STK3: variants seen among roughly 807,000 people sequenced by gnomAD.
STK3 encodes the protein serine/threonine kinase 3, also known as serine/threonine-protein kinase 3.
In STK3, 41 loss-of-function variants were observed where a neutral mutation model predicts 58.0. The observed-to-expected ratio is 0.71, with a 90% CI of 0.55 to 0.92. The LOEUF (loss-of-function observed/expected upper bound fraction) is 0.92, where lower values mean the gene tolerates loss of function less well. Among genes scored for constraint, STK3 ranks in the 40% least tolerant of loss-of-function variants. The pLI, the probability that STK3 is intolerant of heterozygous loss-of-function variation, is 0.00. For synonymous variants in STK3, 170 were observed against 191.0 expected (o/e 0.89, Z 0.91); for missense variants, 479 against 602.7 (o/e 0.79, Z 2.15).
intron 7 of STK3, among the ~76,000 whole-genome samples, chr8:98,586,460 G>T (rs1447396117): frequency 6.7e-6 from 1 of 149,938 alleles, no homozygotes; most frequent in African/African-American, 2.5e-5. Context: ...CTTGATCATG[G>T]TGGATAAGCT....
At chr8:98,432,439 T>C (rs1211987757) in intron 3 of STK3, 4 of 167,120 alleles carry the variant, frequency 2.4e-5, no homozygotes, top group Admixed American at 6.5e-5. Flanking sequence ...GTTGCACAAA[T>C]GCATATTGGT....
At chr8:98,881,173 A>G (rs1014287702), downstream of STK3, 1 of 152,206 alleles carries the variant, frequency 6.6e-6, no homozygotes, top group Non-Finnish European at 1.5e-5. Flanking sequence ...ACATCCATAC[A>G]ATGGAATATT....
intron 8 of STK3, among the ~76,000 whole-genome samples, chr8:98,559,063 A>C (rs942278588): frequency 2.0e-5 from 3 of 152,128 alleles, no homozygotes; most frequent in African/African-American, 7.2e-5. Flanking sequence ...TATTTTTCAC[A>C]CATTTGACTT....
At chr8:98,550,317 A>G (rs2131591939) in intron 8 of STK3, among the ~76,000 whole-genome samples, 1 of 152,226 alleles carries the variant, frequency 6.6e-6, no homozygotes, top group Admixed American at 6.5e-5. Flanking sequence ...CTTCATTCTC[A>G]TGCCTTCAAC....
intron 3 of STK3, among the ~76,000 whole-genome samples, chr8:98,834,792 G>A (rs553656802): frequency 2.0e-5 from 3 of 152,292 alleles, no homozygotes; most frequent in South Asian, 2.1e-4. Context: ...AAGAGACACC[G>A]TAATTCATAA....
At chr8:98,653,251 G>A (rs531702586) in intron 6 of STK3, among the ~76,000 whole-genome samples, 18 of 152,266 alleles carry the variant, frequency 1.2e-4, no homozygotes, top group Admixed American at 9.2e-4. Context: ...ATAACGAAAT[G>A]AAGGCAGAAA....
intron 8 of STK3, among the ~76,000 whole-genome samples, chr8:98,564,759 AT>A: frequency 6.6e-6 from 1 of 152,116 alleles, no homozygotes; most frequent in South Asian, 2.1e-4. Context: ...TTATATATCA[AT>A]TTTTTTTAAA....
Position 98,668,830 on chromosome 8 carries a change from G to A in STK3, c.684+37637C>T, listed in dbSNP as rs538808824. Among the ~76,000 whole-genome samples the A allele has an allele frequency of 2.8e-4, 43 of 152,086 alleles. 1 individual carries two copies. The South Asian group carries it at 7.5e-3, about 26-fold the overall frequency. On this transcript the variant is annotated intron_variant, in intron 6 of 10. Coordinates refer to ENST00000419617, the MANE Select transcript of STK3 (RefSeq NM_006281.4). ...AAGTGTGTTACAAATTTCCTTCTCA[G>A]AGGCACATCAAAAAAAGATGAGTCA...
At chr8:98,534,649 A>G (rs185012477) in intron 9 of STK3, among the ~76,000 whole-genome samples, 77 of 152,340 alleles carry the variant, frequency 5.1e-4, no homozygotes, top group Middle Eastern at 3.4e-3. Context: ...TTTAGACAGG[A>G]CACATACATT....
chr8:98,583,708 A>C (rs1226016540), intron 7 of STK3, among the ~76,000 whole-genome samples: 3 of 152,188 alleles, frequency 2.0e-5, no homozygotes, highest in Non-Finnish European at 4.4e-5. Context: ...ATATTCTGAT[A>C]TTATTATTAA....
chr8:98,410,899 T>C (rs1467781095), intron 3 of STK3, among the ~76,000 whole-genome samples: 2 of 152,224 alleles, frequency 1.3e-5, no homozygotes, highest in African/African-American at 4.8e-5. Flanking sequence ...GGAGTTTTGG[T>C]ACAGCTCAAA....
intron 6 of STK3, among the ~76,000 whole-genome samples, chr8:98,648,999 G>A (rs1820644348): frequency 6.6e-6 from 1 of 151,020 alleles, no homozygotes; most frequent in Admixed American, 6.6e-5. Flanking sequence ...AGATGTTGCA[G>A]TGAGCCAAGA....
intron 6 of STK3, among the ~76,000 whole-genome samples, chr8:98,610,194 G>A (rs1439268790): frequency 4.8e-5 from 7 of 146,008 alleles, no homozygotes; most frequent in South Asian, 2.2e-4. Context: ...TTTCAAAACA[G>A]AAAAAAAAAA....
At chr8:98,441,955 C>G (rs1388059650) in intron 1 of STK3, among the ~76,000 whole-genome samples, 2 of 152,214 alleles carry the variant, frequency 1.3e-5, no homozygotes, top group East Asian at 3.8e-4. Flanking sequence ...GATACCTGCT[C>G]CTGCATATCC....
chr8:98,364,675 G>A, the STK3 span, among the ~76,000 whole-genome samples: 41 of 152,276 alleles, frequency 2.7e-4, no homozygotes, highest in Non-Finnish European at 5.4e-4. Flanking sequence ...CCACCCCTAT[G>A]CCAGATTCGT....
intron 1 of STK3, among the ~76,000 whole-genome samples, chr8:98,776,452 C>A (rs896735168): frequency 6.6e-6 from 1 of 152,176 alleles, no homozygotes; most frequent in Non-Finnish European, 1.5e-5. Flanking sequence ...ATTCCATGTA[C>A]TTTTCCCCAA....
At chr8:98,696,746 G>A (rs1486432802) in intron 6 of STK3, among the ~76,000 whole-genome samples, 5 of 152,072 alleles carry the variant, frequency 3.3e-5, no homozygotes, top group Non-Finnish European at 7.4e-5. Flanking sequence ...ATGTGCTGCT[G>A]GATTCGTTTT....
chr8:98,458,228 T>G (rs1372792945), intron 10 of STK3, among the ~76,000 whole-genome samples: 1 of 152,120 alleles, frequency 6.6e-6, no homozygotes, highest in Non-Finnish European at 1.5e-5. Flanking sequence ...GATGTTGGTA[T>G]TTTGATAGGA....
chr8:98,345,235 C>T, the STK3 span, among the ~76,000 whole-genome samples: 1 of 151,970 alleles, frequency 6.6e-6, no homozygotes, highest in Non-Finnish European at 1.5e-5. Context: ...TGCAGGTCCT[C>T]TTGACTTTAA....
Sources: allele counts gnomAD v4.1 joint callset (sites outside exome capture counted in the v4.1 genomes callset), GRCh38; gene constraint gnomAD v4.1.1; transcripts MANE v1.5; gene names NCBI Gene and HGNC (gene_info 2026-07-23, HGNC 2026-07-21).